The following PTPRM variants were observed in gnomAD, a reference collection of about 807,000 sequenced individuals.
The protein encoded by PTPRM is protein tyrosine phosphatase receptor type M.
In PTPRM, 47 loss-of-function variants were observed where a neutral mutation model predicts 186.7. The observed-to-expected ratio is 0.25, with a 90% CI of 0.20 to 0.32. PTPRM has a LOEUF of 0.32. Among genes scored for constraint, PTPRM ranks in the 10% least tolerant of loss-of-function variants. The pLI, the probability that PTPRM is intolerant of heterozygous loss-of-function variation, is 1.00. For synonymous variants in PTPRM, 668 were observed against 674.9 expected (o/e 0.99, Z 0.16); for missense variants, 1,494 against 1,865.0 (o/e 0.80, Z 3.66).
At chr18:8,285,415 T>A (rs1568665770) in intron 19 of PTPRM, among the ~76,000 whole-genome samples, 1 of 152,174 alleles carries the variant, frequency 6.6e-6, no homozygotes, top group African/African-American at 2.4e-5. Context: ...AAGTGTGAGA[T>A]GCAAACAACT....
At chr18:8,102,280 A>G (rs886427791) in intron 11 of PTPRM, among the ~76,000 whole-genome samples, 8 of 152,204 alleles carry the variant, frequency 5.3e-5, no homozygotes, top group African/African-American at 1.9e-4. Flanking sequence ...CTAAAATAAG[A>G]CAATGAAATT....
intron 7 of PTPRM, among the ~76,000 whole-genome samples, chr18:7,966,452 G>A (rs2054059525): frequency 1.3e-5 from 2 of 152,162 alleles, no homozygotes; most frequent in Non-Finnish European, 1.5e-5. Flanking sequence ...AGAAGGAGGA[G>A]CCAAGATGGC....
chr18:8,400,005 G>GGATTTACCA (rs2095863783), intron 32 of PTPRM, among the ~76,000 whole-genome samples: 1 of 152,190 alleles, frequency 6.6e-6, no homozygotes, highest in Non-Finnish European at 1.5e-5. Context: ...GAGAAATCCA[G>GGATTTACCA]GATAAAGGGT....
chr18:7,960,476 T>C (rs868186596), intron 7 of PTPRM, among the ~76,000 whole-genome samples: 5,485 of 114,264 alleles, frequency 0.048, 331 homozygotes, highest in African/African-American at 0.17. Context: ...TATATATATA[T>C]ATATACACAC....
intron 13 of PTPRM, among the ~76,000 whole-genome samples, chr18:8,142,898 T>G (rs2092797597): frequency 6.6e-6 from 1 of 152,318 alleles, no homozygotes; most frequent in African/African-American, 2.4e-5. Flanking sequence ...TGACATTCCA[T>G]TACATTGTAG....
At chr18:7,852,412 A>G (rs1275200272) in intron 2 of PTPRM, among the ~76,000 whole-genome samples, 1 of 152,010 alleles carries the variant, frequency 6.6e-6, no homozygotes, top group Non-Finnish European at 1.5e-5. Context: ...TCCTGTCTCT[A>G]CAAAAAAATT....
chr18:7,592,783 G>A (rs569708506), intron 1 of PTPRM, among the ~76,000 whole-genome samples: 5 of 152,328 alleles, frequency 3.3e-5, no homozygotes, highest in African/African-American at 1.2e-4. Flanking sequence ...GGGTTTGATT[G>A]ATAAATACAA....
At chr18:8,337,011 GA>G (rs907773827) in intron 22 of PTPRM, among the ~76,000 whole-genome samples, 5 of 151,972 alleles carry the variant, frequency 3.3e-5, no homozygotes, top group Admixed American at 3.3e-4. Flanking sequence ...AGAAAGAAAA[GA>G]AAAGAGAAAA....
At chr18:8,102,034 C>T (rs989142467) in intron 11 of PTPRM, among the ~76,000 whole-genome samples, 6 of 152,074 alleles carry the variant, frequency 3.9e-5, no homozygotes, top group African/African-American at 1.4e-4. Context: ...TTTCCTAGTG[C>T]ATAGAAAAGT....
In PTPRM at chr18:8,319,166, AT is replaced by A; in HGVS notation, c.2920-9del. 3 of 1,508,934 alleles carry A rather than the reference AT, an allele frequency of 2.0e-6. No individual in the cohort carries two copies. Among genetic ancestry groups the A allele is most frequent in the Non-Finnish European group, 1.8e-6 (2 of 1,091,568 alleles). 93.5% of individuals were successfully genotyped at this position (1,508,934 alleles called of 1,614,324 possible). A position where few individuals can be genotyped will look rare whatever the true frequency, so the allele number is the denominator to read the frequency against. On this transcript the variant is annotated splice_polypyrimidine_tract_variant and intron_variant, in intron 21 of 32. Coordinates refer to ENST00000580170, the MANE Select transcript of PTPRM (RefSeq NM_001105244.2). ...TTATGTTTATCAAATATTCTCTTTT[AT>A]TTATTTTTAGGGTTATCATCGACCC... is the stretch of plus-strand genomic sequence containing the variant.
chr18:8,172,952 A>G (rs1158934937), intron 14 of PTPRM, among the ~76,000 whole-genome samples: 2 of 152,210 alleles, frequency 1.3e-5, no homozygotes, highest in African/African-American at 4.8e-5. Flanking sequence ...CTACTTACAT[A>G]TACACACAAA....
At chr18:8,391,541 A>G (rs981567622) in intron 31 of PTPRM, among the ~76,000 whole-genome samples, 4 of 152,190 alleles carry the variant, frequency 2.6e-5, no homozygotes, top group Non-Finnish European at 5.9e-5. Flanking sequence ...ACAGGCAAAA[A>G]CAATTGATGA....
intron 1 of PTPRM, among the ~76,000 whole-genome samples, chr18:7,624,806 G>A (rs1348712846): frequency 6.6e-6 from 1 of 152,176 alleles, no homozygotes; most frequent in Non-Finnish European, 1.5e-5. Context: ...AATAGAGACA[G>A]CAGTAGTATC....
chr18:8,314,763 G>T lies in PTPRM; in HGVS notation c.2843-18G>T. 1 of 1,603,246 alleles carries T rather than the reference G, an allele frequency of 6.2e-7. No homozygotes were observed. Among genetic ancestry groups the T allele is most frequent in the Non-Finnish European group, 8.5e-7 (1 of 1,172,696 alleles). On this transcript the variant is annotated intron_variant, in intron 20 of 32. Coordinates refer to ENST00000580170, the MANE Select transcript of PTPRM (RefSeq NM_001105244.2). ...TTGCTTTTGTTAATCGTTATTTTCT[G>T]TCCCTTTTCCTTTGCAGACGATCAT...
In PTPRM at chr18:8,085,841, A is replaced by G. The variant is rs557865564; in HGVS notation, c.1722A>G (p.Pro574=). Reference sequence around the variant, plus strand: ...GCACAGCTAAGGGTTTTGGGCCTCCAGCAACAAACCAGTTCACCACCAAAA... The same window carrying G: ...GCACAGCTAAGGGTTTTGGGCCTCCGGCAACAAACCAGTTCACCACCAAAA... The part of the protein sequence containing the change: ...RASTAKGFGP[P]ATNQFTTKIS... Residue 574 remains proline, a synonymous_variant, in exon 10 of 33, where the codon CCA becomes CCG. Coordinates refer to ENST00000580170, the MANE Select transcript of PTPRM (RefSeq NM_001105244.2). The G allele has an allele frequency of 1.9e-6, 3 of 1,613,368 alleles. No homozygotes were observed. Among genetic ancestry groups the G allele is most frequent in the Admixed American group, 3.3e-5 (2 of 59,952 alleles).
intron 2 of PTPRM, among the ~76,000 whole-genome samples, chr18:7,782,425 T>C (rs1421315328): frequency 6.6e-6 from 1 of 152,224 alleles, no homozygotes; most frequent in Non-Finnish European, 1.5e-5. Context: ...TTTTAAAAAA[T>C]GTAGTAGAAT....
chr18:8,336,478 G>C (rs2095439555), intron 22 of PTPRM, among the ~76,000 whole-genome samples: 1 of 151,970 alleles, frequency 6.6e-6, no homozygotes, highest in Admixed American at 6.5e-5. Flanking sequence ...CTTGAATCAA[G>C]GAGGTCAAGG....
rs1250651977 is a variant in PTPRM, at chr18:7,841,294, T to C, written c.197-46812T>C. Among the ~76,000 whole-genome samples, 12 of 135,920 alleles carry C rather than the reference T, an allele frequency of 8.8e-5. No individual in the cohort carries two copies. The East Asian group carries it at 2.3e-3, about 26-fold the overall frequency. 89.2% of individuals were successfully genotyped at this position (135,920 alleles called of 152,430 possible). Reference sequence around the variant, plus strand: ...CTCAAATCATTTCTTTTTTTTTTTTTTTTTTTTTTTTTTTTGAGACGGAGT... The same window carrying C: ...CTCAAATCATTTCTTTTTTTTTTTTCTTTTTTTTTTTTTTTGAGACGGAGT... On this transcript the variant is annotated intron_variant, in intron 2 of 32. Transcript: ENST00000580170.
At chr18:8,340,753 G>T (rs1013851572) in intron 22 of PTPRM, among the ~76,000 whole-genome samples, 1 of 152,132 alleles carries the variant, frequency 6.6e-6, no homozygotes, top group Admixed American at 6.5e-5. Flanking sequence ...TGGTTATACT[G>T]GAAGACGAAG....
Sources: gnomAD v4.1 joint callset for allele counts (sites outside exome capture counted in the v4.1 genomes callset) on GRCh38, gnomAD v4.1.1 for gene constraint, MANE v1.5 for transcripts, NCBI Gene and HGNC (gene_info 2026-07-23, HGNC 2026-07-21) for gene names.